Variants in DNAJB13 observed in about 807,000 individuals in gnomAD.
DNAJB13 encodes the protein dnaJ homolog subfamily B member 13.
A neutral mutation model predicts 35.6 loss-of-function variants in DNAJB13; 22 were observed. The observed-to-expected ratio is 0.62, with a 90% CI of 0.44 to 0.88. DNAJB13 has a LOEUF of 0.88. Among genes scored for constraint, DNAJB13 ranks in the 40% least tolerant of loss-of-function variants. The pLI, the probability that DNAJB13 is intolerant of heterozygous loss-of-function variation, is 0.00. For missense variants in DNAJB13, 370 were observed against 384.3 expected, an observed-to-expected ratio of 0.96 and a Z score of 0.31; for synonymous variants, 136 against 144.2, an observed-to-expected ratio of 0.94 and a Z score of 0.41.
At chr11:73,969,688 A>G (rs922298799) in intron 7 of DNAJB13, among the ~76,000 whole-genome samples, 3 of 152,192 alleles carry the variant, frequency 2.0e-5, no homozygotes, top group Non-Finnish European at 4.4e-5. Flanking sequence ...CTGGCAGCCC[A>G]GCACCCTCGC....
In DNAJB13 at chr11:73,970,131, CA is replaced by C. The variant is rs770807996; in HGVS notation, c.*18del. On this transcript the variant is annotated 3_prime_UTR_variant, in exon 8 of 8. Transcript: ENST00000339764. Reference sequence around the variant, plus strand: ...CTGACATGACTGTGGTGGGCTGGAGCAGGGGTGAGAGGAGGCTAGCCGGGCC... The same window carrying C: ...CTGACATGACTGTGGTGGGCTGGAGCGGGGTGAGAGGAGGCTAGCCGGGCC... The C allele has an allele frequency of 1.9e-6, 3 of 1,582,930 alleles. No individual in the cohort carries two copies. In the South Asian group the frequency reaches 3.5e-5, roughly 19 times the overall value.
rs746225940 is a variant in DNAJB13 at position 73,951,097 on chromosome 11, G to A, written c.28G>A (p.Gly10Arg). Residue 10 changes from glycine (G) to arginine (R), a missense_variant, in exon 1 of 8, where the codon GGG becomes AGG. Gly to Arg is a moderately radical substitution (Grantham distance 125). Coordinates refer to ENST00000339764, the MANE Select transcript of DNAJB13 (RefSeq NM_153614.4). MGQDYYSVL[G>R]ITRNSEDAQI... ...GGGCCAGGATTATTACTCTGTGCTC[G>A]GGATCACTCGCAATTCAGAGGATGC... 2.4e-5 allele frequency: 39 copies of A among 1,613,972 alleles called. No individual in the cohort carries two copies. Among genetic ancestry groups the A allele is most frequent in the Non-Finnish European group, 3.1e-5 (36 of 1,180,030 alleles).
At chr11:73,957,951 G>A (rs1950804340) in intron 1 of DNAJB13, among the ~76,000 whole-genome samples, 1 of 152,296 alleles carries the variant, frequency 6.6e-6, no homozygotes, top group East Asian at 1.9e-4. Flanking sequence ...AGCGAGGCCC[G>A]GGGAGCAGCT....
Position 73,970,015 on chromosome 11 carries a change from C to T in DNAJB13, c.852C>T (p.Pro284=), listed in dbSNP as rs913088821. The T allele has an allele frequency of 1.9e-6, 3 of 1,611,710 alleles. No homozygotes were observed. The highest frequency in any genetic ancestry group is 2.7e-5 in the African/African-American group (2 of 74,906). The change falls in exon 8 of 8, where the codon CCC becomes CCT. Residue 284 remains proline (P), a synonymous_variant. Transcript: ENST00000339764. ...PGEGMPLPED[P]TKKGDLFIFF... is the part of the protein sequence containing the mutation. ...AGGGGATGCCATTGCCGGAGGACCC[C>T]ACTAAGAAAGGGGATCTCTTCATCT...
intron 6 of DNAJB13, 52 bp downstream of exon 6, chr11:73,968,510 C>T: frequency 6.7e-7 from 1 of 1,493,854 alleles, no homozygotes; most frequent in Admixed American, 1.8e-5. Flanking sequence ...GTGAGCCCTG[C>T]CTGCCCCGGC....
chr11:73,969,483 C>A (rs1951218990), intron 7 of DNAJB13, among the ~76,000 whole-genome samples, 161 bp downstream of exon 7: 1 of 152,200 alleles, frequency 6.6e-6, no homozygotes, highest in Non-Finnish European at 1.5e-5. Context: ...CCCACACTGG[C>A]CAAGCTGTGG....
intron 1 of DNAJB13, among the ~76,000 whole-genome samples, chr11:73,953,531 C>T (rs779656603): frequency 4.6e-5 from 7 of 152,304 alleles, no homozygotes; most frequent in Admixed American, 6.5e-5. Context: ...GGGTACGTGA[C>T]GGGTTTCATG....
Position 73,970,053 on chromosome 11 carries a change from A to G in DNAJB13, c.890A>G (p.Gln297Arg). Residue 297 changes from glutamine to arginine, a missense_variant, in exon 8 of 8, where the codon CAG becomes CGG. Gln to Arg is a conservative substitution (Grantham distance 43, BLOSUM62 1). Transcript: ENST00000339764. ...KGDLFIFFDI[Q>R]FPTRLTPQKK... The stretch of plus-strand genomic sequence containing the variant: ...GATCTCTTCATCTTCTTCGACATCC[A>G]GTTCCCCACCCGCCTCACACCCCAG... 6.2e-7 allele frequency: 1 copy of G among 1,611,074 alleles called. No individual in the cohort carries two copies. The highest frequency in any genetic ancestry group is 8.5e-7 in the Non-Finnish European group (1 of 1,178,528).
Position 73,965,038 on chromosome 11 carries a change from G to A in DNAJB13, c.492+3G>A. 6.4e-7 allele frequency: 1 copy of A among 1,572,382 alleles called. No individual in the cohort carries two copies. Among genetic ancestry groups the A allele is most frequent in the African/African-American group, 1.4e-5 (1 of 73,256 alleles). On this transcript the variant is annotated splice_donor_region_variant and intron_variant, in intron 4 of 7. Transcript: ENST00000339764. ...AAAAAATTAAGATCTCCAGAAGGGTGAGTACTCAGCTTGCTCCTCCCGGGA... is the reference window on the plus strand; with the variant it reads ...AAAAAATTAAGATCTCCAGAAGGGTAAGTACTCAGCTTGCTCCTCCCGGGA...
intron 4 of DNAJB13, 76 bp from the exon 5 acceptor site, chr11:73,966,062 T>A (rs745675402): frequency 7.3e-7 from 1 of 1,378,210 alleles, no homozygotes; most frequent in African/African-American, 1.4e-5. Flanking sequence ...TGAGTGTTCA[T>A]GAAAATCTGA....
chr11:73,970,276 C>A lies in DNAJB13; in HGVS notation c.*162C>A. 1 of 865,986 alleles carries A rather than the reference C, an allele frequency of 1.2e-6. No individual in the cohort carries two copies. The highest frequency in any genetic ancestry group is 1.6e-6 in the Non-Finnish European group (1 of 609,096). 53.6% of individuals were successfully genotyped at this position (865,986 alleles called of 1,614,324 possible). On this transcript the variant is annotated 3_prime_UTR_variant, in exon 8 of 8. Transcript: ENST00000339764. ...GACATAATAAAGATCTATTTCCTGT[C>A]CTCCAGCTACACCCACGAGAGTACA...
chr11:73,967,937 AGCG>A, intron 5 of DNAJB13: 1 of 285,994 alleles, frequency 3.5e-6, no homozygotes, highest in Non-Finnish European at 6.5e-6. Flanking sequence ...CTCTGTCCCC[AGCG>A]CCCAGAAGAG....
chr11:73,951,734 C>T (rs895501154), intron 1 of DNAJB13, among the ~76,000 whole-genome samples: 3 of 152,190 alleles, frequency 2.0e-5, no homozygotes, highest in Non-Finnish European at 4.4e-5. Flanking sequence ...GCAACCTCCA[C>T]CTCCTGGGTT....
chr11:73,953,981 T>G (rs1486736950), intron 1 of DNAJB13, among the ~76,000 whole-genome samples: 2 of 138,558 alleles, frequency 1.4e-5, no homozygotes, highest in Non-Finnish European at 3.1e-5. Flanking sequence ...AGCGAGACTC[T>G]GTCTCAAAAA....
intron 1 of DNAJB13, among the ~76,000 whole-genome samples, chr11:73,952,050 G>T (rs937079622): frequency 6.6e-6 from 1 of 152,184 alleles, no homozygotes; most frequent in Non-Finnish European, 1.5e-5. Context: ...GATAAATGTC[G>T]GAATCCGACA....
chr11:73,958,513 G>T, intron 2 of DNAJB13, 93 bp downstream of exon 2: 1 of 1,145,220 alleles, frequency 8.7e-7, no homozygotes, highest in East Asian at 2.5e-5. Flanking sequence ...CAATAACGAG[G>T]AAGCATCCTT....
intron 3 of DNAJB13, 189 bp from the exon 4 acceptor site, chr11:73,964,689 T>G (rs1348370531): frequency 1.6e-6 from 1 of 632,614 alleles, no homozygotes; most frequent in East Asian, 2.9e-5. Context: ...GCTTGGCCAG[T>G]CTGAGAGGTG....
rs556480656 is a variant in DNAJB13, at chr11:73,966,203, C to A, written c.558C>A (p.Pro186=). The A allele has an allele frequency of 8.1e-6, 13 of 1,613,726 alleles. No individual in the cohort carries two copies. The South Asian group carries it at 1.2e-4, about 15-fold the overall frequency. Residue 186 remains proline (P), a synonymous_variant, in exon 5 of 8, where the codon CCC becomes CCA. Coordinates refer to ENST00000339764, the MANE Select transcript of DNAJB13 (RefSeq NM_153614.4). The part of the protein sequence containing the change: ...KDKILTIDVK[P]GWRQGTRITF... Reference sequence around the variant, plus strand: ...AGATCCTGACCATTGATGTGAAGCCCGGTTGGAGGCAGGGCACACGCATCA... The same window carrying A: ...AGATCCTGACCATTGATGTGAAGCCAGGTTGGAGGCAGGGCACACGCATCA...
In DNAJB13 at chr11:73,970,115, CTG is replaced by C. The variant is rs749179145; in HGVS notation, c.*4_*5del. ...GCTGCGCCAGGCATTGCTGACATGA[CTG>C]TGGTGGGCTGGAGCAGGGGTGAGAG... On this transcript the variant is annotated 3_prime_UTR_variant, in exon 8 of 8. Coordinates refer to ENST00000339764, the MANE Select transcript of DNAJB13 (RefSeq NM_153614.4). 2.5e-5 allele frequency: 40 copies of C among 1,597,274 alleles called. No individual in the cohort carries two copies. Among genetic ancestry groups the C allele is most frequent in the African/African-American group, 4.0e-5 (3 of 74,738 alleles).
Sources: allele counts gnomAD v4.1 joint callset (sites outside exome capture counted in the v4.1 genomes callset), GRCh38; gene constraint gnomAD v4.1.1; transcripts MANE v1.5; gene names NCBI Gene and HGNC (gene_info 2026-07-23, HGNC 2026-07-21).